The following CCSER1 variants were observed in gnomAD, a reference collection of about 807,000 sequenced individuals.
CCSER1 encodes serine-rich coiled-coil domain-containing protein 1.
Under a neutral mutation model 82.0 loss-of-function variants are expected in CCSER1, and 41 were observed. The observed-to-expected ratio is 0.50, with a 90% confidence interval of 0.39 to 0.65. CCSER1 has a LOEUF of 0.65. Ranked by LOEUF, CCSER1 falls within the 30% of genes least tolerant of loss-of-function variation. The pLI, the probability that CCSER1 is intolerant of heterozygous loss-of-function variation, is 0.00. For synonymous variants in CCSER1, 414 were observed against 383.9 expected (o/e 1.08, Z -0.92); for missense variants, 1,119 against 1,064.2 (o/e 1.05, Z -0.72).
At chr4:90,155,513 C>G (rs1727926848) in intron 1 of CCSER1, among the ~76,000 whole-genome samples, 1 of 152,100 alleles carries the variant, frequency 6.6e-6, no homozygotes. Context: ...TGGTCCTGGA[C>G]TCTTTTTGGT....
chr4:91,071,407 A>C (rs928019423), intron 9 of CCSER1, among the ~76,000 whole-genome samples: 2 of 152,196 alleles, frequency 1.3e-5, no homozygotes, highest in Non-Finnish European at 2.9e-5. Context: ...AGACTTGATA[A>C]GCCATGGGAG....
At chr4:91,137,378 A>C (rs1728584453) in intron 10 of CCSER1, among the ~76,000 whole-genome samples, 1 of 67,314 alleles carries the variant, frequency 1.5e-5, no homozygotes. Context: ...TCCATGGTGT[A>C]TATGTGCCAC....
chr4:91,389,453 T>G (rs959972882), intron 10 of CCSER1, among the ~76,000 whole-genome samples: 2 of 152,044 alleles, frequency 1.3e-5, no homozygotes, highest in African/African-American at 2.4e-5. Flanking sequence ...CATTTGCCAA[T>G]ATCAATCATT....
intron 1 of CCSER1, among the ~76,000 whole-genome samples, chr4:90,238,128 A>G (rs963991546): frequency 6.6e-6 from 1 of 152,316 alleles, no homozygotes; most frequent in Non-Finnish European, 1.5e-5. Context: ...GTCAGAATAC[A>G]TTGTTTGTAA....
At chr4:90,240,467 C>A (rs1578696500) in intron 1 of CCSER1, among the ~76,000 whole-genome samples, 1 of 152,284 alleles carries the variant, frequency 6.6e-6, no homozygotes, top group East Asian at 1.9e-4. Flanking sequence ...CACACCTCTA[C>A]CCAAATCACT....
intron 3 of CCSER1, among the ~76,000 whole-genome samples, chr4:90,390,720 T>C (rs1750859373): frequency 6.6e-6 from 1 of 152,206 alleles, no homozygotes; most frequent in African/African-American, 2.4e-5. Flanking sequence ...TCTTTGCTAT[T>C]GTGAATAGTG....
At chr4:90,725,943 A>G (rs1743558762) in intron 7 of CCSER1, among the ~76,000 whole-genome samples, 2 of 151,972 alleles carry the variant, frequency 1.3e-5, no homozygotes, top group African/African-American at 4.8e-5. Context: ...TGAATGTGAC[A>G]TGATATTTCA....
At chr4:90,388,303 T>A (rs868739760) in intron 3 of CCSER1, among the ~76,000 whole-genome samples, 1 of 141,534 alleles carries the variant, frequency 7.1e-6, no homozygotes, top group South Asian at 2.5e-4. Context: ...CAAGTGATGT[T>A]TGTTTGTTTG....
At chr4:91,258,182 G>A (rs1295726199) in intron 10 of CCSER1, among the ~76,000 whole-genome samples, 2 of 151,956 alleles carry the variant, frequency 1.3e-5, no homozygotes, top group East Asian at 1.9e-4. Flanking sequence ...TGATCATTTC[G>A]AGTCAGCTGA....
intron 10 of CCSER1, among the ~76,000 whole-genome samples, chr4:91,117,019 C>G (rs1165263228): frequency 6.6e-6 from 1 of 152,126 alleles, no homozygotes; most frequent in Non-Finnish European, 1.5e-5. Context: ...CTCAATGAAT[C>G]ATACCTAAAG....
intron 9 of CCSER1, among the ~76,000 whole-genome samples, chr4:91,049,692 A>C (rs1742829081): frequency 6.6e-6 from 1 of 152,204 alleles, no homozygotes; most frequent in African/African-American, 2.4e-5. Flanking sequence ...TGCACAAATG[A>C]CCCAAAGAAC....
intron 10 of CCSER1, among the ~76,000 whole-genome samples, chr4:91,262,852 GA>G (rs11465002): frequency 0.018 from 2,690 of 147,992 alleles, 95 homozygotes; most frequent in African/African-American, 0.063. Context: ...CTTATCATAT[GA>G]AAAAAAAAAC....
At chr4:90,925,259 A>G (rs1728916248) in intron 9 of CCSER1, among the ~76,000 whole-genome samples, 1 of 152,160 alleles carries the variant, frequency 6.6e-6, no homozygotes, top group South Asian at 2.1e-4. Flanking sequence ...TTTTTAAATA[A>G]GTTAACTGAA....
intron 10 of CCSER1, among the ~76,000 whole-genome samples, chr4:91,293,840 C>T (rs1343464323): frequency 6.6e-6 from 1 of 151,830 alleles, no homozygotes; most frequent in African/African-American, 2.4e-5. Flanking sequence ...GTCAGGCTGT[C>T]AAGTTTAAAA....
At chr4:91,571,108 C>T (rs1763154780) in intron 10 of CCSER1, among the ~76,000 whole-genome samples, 1 of 152,198 alleles carries the variant, frequency 6.6e-6, no homozygotes, top group African/African-American at 2.4e-5. Context: ...GAGACCACCT[C>T]AGCCTGGACT....
intron 10 of CCSER1, among the ~76,000 whole-genome samples, chr4:91,446,152 T>C (rs753955105): frequency 2.0e-5 from 3 of 151,782 alleles, no homozygotes; most frequent in Non-Finnish European, 4.4e-5. Context: ...CGTGCCTTCA[T>C]TGTTTGCTTT....
At chr4:91,114,255 C>G (rs887433516) in intron 10 of CCSER1, among the ~76,000 whole-genome samples, 1 of 152,110 alleles carries the variant, frequency 6.6e-6, no homozygotes, top group Non-Finnish European at 1.5e-5. Flanking sequence ...TTCCTTGATT[C>G]AAAGTCAAGA....
intron 8 of CCSER1, among the ~76,000 whole-genome samples, chr4:90,845,232 C>A (rs368482847): frequency 6.6e-6 from 1 of 151,732 alleles, no homozygotes; most frequent in African/African-American, 2.4e-5. Context: ...CGTGGTGACA[C>A]GCGCCTGTAA....
intron 10 of CCSER1, among the ~76,000 whole-genome samples, chr4:91,425,443 A>G (rs1174186711): frequency 3.9e-5 from 6 of 152,140 alleles, no homozygotes; most frequent in Non-Finnish European, 8.8e-5. Context: ...CATACTGTGA[A>G]AAGCATTGTA....
Sources: gnomAD v4.1 joint callset for allele counts (sites outside exome capture counted in the v4.1 genomes callset) on GRCh38, gnomAD v4.1.1 for gene constraint, MANE v1.5 for transcripts, NCBI Gene and HGNC (gene_info 2026-07-23, HGNC 2026-07-21) for gene names.